The following MTUS1 variants were observed in gnomAD, a reference collection of about 807,000 sequenced individuals.
The protein encoded by MTUS1 is microtubule-associated tumor suppressor 1.
A neutral mutation model predicts 120.8 loss-of-function variants in MTUS1; 109 were observed. That is an observed-to-expected ratio of 0.90 (90% CI 0.77 to 1.06). The LOEUF is 1.06. MTUS1 is among the 50% of genes least tolerant of loss of function. The pLI, the probability that MTUS1 is intolerant of heterozygous loss-of-function variation, is 0.00. For missense variants in MTUS1, 2,210 were observed against 1,486.3 expected (o/e 1.49, Z -8.01); for synonymous variants, 737 against 550.5 (o/e 1.34, Z -4.74).
At chr8:17,695,903 C>A (rs1275112151) in intron 6 of MTUS1, among the ~76,000 whole-genome samples, 2 of 152,172 alleles carry the variant, frequency 1.3e-5, no homozygotes, top group African/African-American at 4.8e-5. Context: ...GGAGAGCAGA[C>A]AGGGACTCTG....
intron 1 of MTUS1, among the ~76,000 whole-genome samples, chr8:17,758,977 GT>G (rs1477371765): frequency 6.6e-6 from 1 of 152,198 alleles, no homozygotes; most frequent in Non-Finnish European, 1.5e-5. Context: ...CGCCTCCCGG[GT>G]TCAAGCGATT....
At chr8:17,783,516 A>T (rs1259368415) in intron 1 of MTUS1, among the ~76,000 whole-genome samples, 1 of 151,722 alleles carries the variant, frequency 6.6e-6, no homozygotes, top group African/African-American at 2.4e-5. Flanking sequence ...GGAGGAGATG[A>T]TGTAATTTTT....
chr8:17,697,492 T>C (rs1044358497), intron 6 of MTUS1: 200 of 1,455,188 alleles, frequency 1.4e-4, no homozygotes, highest in Non-Finnish European at 1.7e-4. Context: ...AGAGGAAAGA[T>C]GCCTACACAG....
chr8:17,727,803 A>G (rs2046317839), intron 3 of MTUS1, among the ~76,000 whole-genome samples: 1 of 152,226 alleles, frequency 6.6e-6, no homozygotes, highest in South Asian at 2.1e-4. Context: ...CACTTAGCAT[A>G]GACTTACGTA....
chr8:17,664,810 G>C lies in MTUS1; in HGVS notation c.2906-8745C>G, dbSNP rs986280701. 9.9e-5 allele frequency among the ~76,000 whole-genome samples: 15 copies of C among 152,080 alleles called. 1 individual carries two copies. Among genetic ancestry groups the C allele is most frequent in the Admixed American group, 7.9e-4 (12 of 15,274 alleles). On this transcript the variant is annotated intron_variant, in intron 8 of 14. Transcript: ENST00000693296. The stretch of plus-strand genomic sequence containing the variant: ...ATGTAGGTGACCCCCTTAAGCCAAG[G>C]TCTGATCTGGTTTGAAACTGGAGGT...
chr8:17,797,974 T>C (rs2052382238), intron 1 of MTUS1, among the ~76,000 whole-genome samples: 1 of 152,056 alleles, frequency 6.6e-6, no homozygotes, highest in South Asian at 2.1e-4. Context: ...TATTGGAAAT[T>C]AATCCAGGAA....
Position 17,684,414 on chromosome 8 carries a change from A to G in MTUS1, c.2752T>C (p.Phe918Leu). The G allele has an allele frequency of 6.2e-7, 1 of 1,614,196 alleles. No individual in the cohort carries two copies. Among genetic ancestry groups the G allele is most frequent in the Non-Finnish European group, 8.5e-7 (1 of 1,180,032 alleles). ...AGAAGCTGCTTGAGCTGCAGGATAA[A>G]TCCACTTTGGTTTTCACATTTTGTT... The part of the protein sequence containing the change: ...YKTKCENQSG[F>L]ILQLKQLLAC... The change falls in exon 7 of 15, where the codon TTT becomes CTT. Residue 918 changes from phenylalanine (F) to leucine (L), a missense_variant. Coordinates refer to ENST00000693296, the MANE Select transcript of MTUS1 (RefSeq NM_001363059.2).
chr8:17,702,610 T>G (rs964157053), intron 6 of MTUS1, among the ~76,000 whole-genome samples: 11 of 152,238 alleles, frequency 7.2e-5, no homozygotes, highest in African/African-American at 2.4e-4. Flanking sequence ...ATGCCTCCTA[T>G]AAGTGGAATC....
At chr8:17,777,379 C>A (rs2050530692) in intron 1 of MTUS1, among the ~76,000 whole-genome samples, 1 of 150,664 alleles carries the variant, frequency 6.6e-6, no homozygotes, top group South Asian at 2.1e-4. Context: ...GCAGAGGCTG[C>A]AGTGAGTTGA....
chr8:17,782,479 A>G (rs968631062), intron 1 of MTUS1, among the ~76,000 whole-genome samples: 4 of 152,238 alleles, frequency 2.6e-5, no homozygotes, highest in African/African-American at 9.6e-5. Flanking sequence ...TACAAATTCA[A>G]GATAAATATT....
chr8:17,667,958 A>G (rs1048948444), intron 8 of MTUS1, among the ~76,000 whole-genome samples: 3 of 152,210 alleles, frequency 2.0e-5, no homozygotes, highest in Non-Finnish European at 2.9e-5. Flanking sequence ...TTTTTACACT[A>G]TTATAGGAAG....
At chr8:17,725,479 G>A (rs558172153) in intron 3 of MTUS1, among the ~76,000 whole-genome samples, 1 of 152,288 alleles carries the variant, frequency 6.6e-6, no homozygotes, top group African/African-American at 2.4e-5. Context: ...GGCACATCAT[G>A]TGCTATTCTA....
At chr8:17,700,103 A>T (rs182433669) in intron 6 of MTUS1, among the ~76,000 whole-genome samples, 1 of 152,224 alleles carries the variant, frequency 6.6e-6, no homozygotes, top group African/African-American at 2.4e-5. Flanking sequence ...CAAGGACAGT[A>T]GAGGAAAAAA....
Position 17,655,846 on chromosome 8 carries a change from G to C in MTUS1, c.3108+17C>G, listed in dbSNP as rs749321511. 11 of 1,612,444 alleles carry C rather than the reference G, an allele frequency of 6.8e-6. No homozygotes were observed. Among genetic ancestry groups the C allele is most frequent in the Admixed American group, 1.7e-5 (1 of 59,996 alleles). On this transcript the variant is annotated intron_variant, in intron 9 of 14. Coordinates refer to ENST00000693296, the MANE Select transcript of MTUS1 (RefSeq NM_001363059.2). Reference sequence around the variant, plus strand: ...CAGCAGAGGCCTCAGACAAGCTCTGGCTGCAAAAGCACAGACCTGCTCTTG... The same window carrying C: ...CAGCAGAGGCCTCAGACAAGCTCTGCCTGCAAAAGCACAGACCTGCTCTTG...
intron 2 of MTUS1, among the ~76,000 whole-genome samples, chr8:17,752,011 G>A (rs984061301): frequency 2.0e-5 from 3 of 151,832 alleles, no homozygotes; most frequent in African/African-American, 4.8e-5. Context: ...AGATTCCTGA[G>A]GCGAAAAGTG....
chr8:17,698,711 GTT>G (rs1185720150), intron 6 of MTUS1, among the ~76,000 whole-genome samples: 1 of 152,068 alleles, frequency 6.6e-6, no homozygotes, highest in East Asian at 1.9e-4. Context: ...ATTTAAATAA[GTT>G]CTCTTCCCTC....
At chr8:17,743,913 G>C (rs147999036) in intron 2 of MTUS1, 114 bp from the exon 3 acceptor site, 5 of 860,238 alleles carry the variant, frequency 5.8e-6, no homozygotes, top group Non-Finnish European at 8.9e-6. Flanking sequence ...TAAAAAACAA[G>C]TTCAGGCCAT....
At chr8:17,709,813 C>G (rs1585860676) in intron 6 of MTUS1, among the ~76,000 whole-genome samples, 2 of 152,080 alleles carry the variant, frequency 1.3e-5, no homozygotes, top group African/African-American at 4.8e-5. Context: ...TGGAGACCAT[C>G]TGGCTAACAC....
chr8:17,675,290 G>C (rs776777288), intron 7 of MTUS1, 38 bp from the exon 8 acceptor site: 12 of 1,597,942 alleles, frequency 7.5e-6, no homozygotes, highest in South Asian at 2.2e-5. Flanking sequence ...ATGCTTTCAA[G>C]AGGGTCCCTT....
Sources: allele counts gnomAD v4.1 joint callset (sites outside exome capture counted in the v4.1 genomes callset), GRCh38; gene constraint gnomAD v4.1.1; transcripts MANE v1.5; gene names NCBI Gene and HGNC (gene_info 2026-07-23, HGNC 2026-07-21).